Variants in DIAPH1 observed in about 807,000 individuals in gnomAD.
DIAPH1 encodes protein diaphanous homolog 1.
A neutral mutation model predicts 140.7 loss-of-function variants in DIAPH1; 46 were observed. The observed-to-expected ratio is 0.33, with a 90% CI of 0.26 to 0.42. The LOEUF is 0.42. DIAPH1 is among the 10% of genes least tolerant of loss of function. DIAPH1 has a pLI of 1.00. For missense variants in DIAPH1, 1,310 were observed against 1,558.7 expected, an observed-to-expected ratio of 0.84 and a Z score of 2.69; for synonymous variants, 565 against 551.6, an observed-to-expected ratio of 1.02 and a Z score of -0.34.
chr5:141,526,964 A>G (rs1474802652), intron 24 of DIAPH1, among the ~76,000 whole-genome samples: 2 of 152,164 alleles, frequency 1.3e-5, no homozygotes, highest in Non-Finnish European at 2.9e-5. Flanking sequence ...CTATTATGGA[A>G]ACATGGCCAA....
intron 19 of DIAPH1, among the ~76,000 whole-genome samples, chr5:141,533,470 G>GA (rs2154595098): frequency 6.6e-6 from 1 of 152,268 alleles, no homozygotes; most frequent in Non-Finnish European, 1.5e-5. Flanking sequence ...ATCCTACTCT[G>GA]AGAAGTACAA....
chr5:141,602,112 C>A (rs1223482071), intron 1 of DIAPH1, among the ~76,000 whole-genome samples: 9 of 152,154 alleles, frequency 5.9e-5, no homozygotes, highest in Non-Finnish European at 1.3e-4. Context: ...TGATTAATTT[C>A]TTTATTCAGG....
chr5:141,517,038 T>C (rs775772109), intron 27 of DIAPH1, 30 bp from the exon 28 acceptor site: 11 of 1,613,334 alleles, frequency 6.8e-6, no homozygotes, highest in East Asian at 2.2e-5. Flanking sequence ...ATTCTGTCTA[T>C]GGAAGGCCTC....
At chr5:141,583,687 TAG>T in intron 4 of DIAPH1, 72 bp from the exon 5 acceptor site, 2 of 1,576,328 alleles carry the variant, frequency 1.3e-6, no homozygotes, top group Non-Finnish European at 1.7e-6. Context: ...TATTAGTCAA[TAG>T]AGTTTATACT....
At chr5:141,539,419 T>G (rs918760320) in intron 18 of DIAPH1, among the ~76,000 whole-genome samples, 14 of 106,786 alleles carry the variant, frequency 1.3e-4, no homozygotes, top group South Asian at 9.6e-4. Flanking sequence ...GGTAGTTTTG[T>G]TTTTTTTTTT....
chr5:141,561,364 GTTTTTT>G, intron 18 of DIAPH1, among the ~76,000 whole-genome samples: 1 of 137,370 alleles, frequency 7.3e-6, no homozygotes, highest in East Asian at 2.2e-4. Flanking sequence ...AAAGAGTTTT[GTTTTTT>G]TTTTTTTTAC....
At chr5:141,587,532 T>A in intron 2 of DIAPH1, 1 of 313,316 alleles carries the variant, frequency 3.2e-6, no homozygotes, top group South Asian at 3.6e-5. Context: ...GACAGAGTTC[T>A]ATCAATAAAA....
chr5:141,538,141 A>C (rs1172259257), intron 18 of DIAPH1, among the ~76,000 whole-genome samples: 4 of 151,462 alleles, frequency 2.6e-5, no homozygotes, highest in African/African-American at 2.4e-5. Context: ...GCTCACTGCA[A>C]GCTCCGCCTC....
In DIAPH1 at chr5:141,516,749, T is replaced by G. The variant is rs1470451164; in HGVS notation, c.*102A>C. On this transcript the variant is annotated 3_prime_UTR_variant, in exon 28 of 28. Coordinates refer to ENST00000389054, the MANE Select transcript of DIAPH1 (RefSeq NM_005219.5). The stretch of plus-strand genomic sequence containing the variant: ...AAAGACAGGGTCAGGGTGGTGGGAG[T>G]GGCCACCCCAGAGGAATATCCCCTT... 7.5e-7 allele frequency: 1 copy of G among 1,339,882 alleles called. No individual in the cohort carries two copies. Among genetic ancestry groups the G allele is most frequent in the Non-Finnish European group, 1.1e-6 (1 of 947,794 alleles). The allele number at this position is 1,339,882 out of a possible 1,614,324, so 83.0% of individuals were successfully genotyped here.
At chr5:141,517,621 G>A (rs930674544) in intron 27 of DIAPH1, among the ~76,000 whole-genome samples, 4 of 152,018 alleles carry the variant, frequency 2.6e-5, no homozygotes, top group African/African-American at 7.2e-5. Flanking sequence ...GGTAGCAGCC[G>A]TAATACAAAT....
Position 141,583,302 on chromosome 5 carries a change from A to C in DIAPH1, c.534-10T>G. ...AAATGTTTGCACCCAACTGTAAGGA[A>C]CAGAGAGAGGCAATGCAATATCAAA... On this transcript the variant is annotated splice_polypyrimidine_tract_variant and intron_variant, in intron 5 of 27. Coordinates refer to ENST00000389054, the MANE Select transcript of DIAPH1 (RefSeq NM_005219.5). The C allele has an allele frequency of 6.2e-7, 1 of 1,613,886 alleles. No individual in the cohort carries two copies. The highest frequency in any genetic ancestry group is 8.5e-7 in the Non-Finnish European group (1 of 1,179,700).
chr5:141,574,498 A>C (rs1180869034), intron 15 of DIAPH1, among the ~76,000 whole-genome samples: 1 of 152,216 alleles, frequency 6.6e-6, no homozygotes, highest in Non-Finnish European at 1.5e-5. Context: ...CAAGTAAATT[A>C]AATGTTCTAG....
chr5:141,536,441 G>T (rs1023634284), intron 18 of DIAPH1, among the ~76,000 whole-genome samples: 8 of 152,108 alleles, frequency 5.3e-5, no homozygotes, highest in Non-Finnish European at 1.5e-5. Context: ...GGAAATAAAA[G>T]AAGTGAACAA....
intron 1 of DIAPH1, among the ~76,000 whole-genome samples, chr5:141,613,808 C>T (rs2099902220): frequency 6.6e-6 from 1 of 152,100 alleles, no homozygotes; most frequent in African/African-American, 2.4e-5. Flanking sequence ...AAAATATGTT[C>T]ATAGTAATTA....
chr5:141,578,744 T>G (rs2099896318), intron 9 of DIAPH1, 119 bp from the exon 10 acceptor site: 3 of 798,194 alleles, frequency 3.8e-6, no homozygotes, highest in Admixed American at 2.0e-5. Context: ...ACAAAAACTC[T>G]AAAGATGACT....
intron 1 of DIAPH1, among the ~76,000 whole-genome samples, chr5:141,613,934 C>T (rs767861996): frequency 3.9e-5 from 6 of 152,142 alleles, no homozygotes; most frequent in Non-Finnish European, 7.3e-5. Context: ...TCAGCCCCCA[C>T]GTAAGTAGGA....
chr5:141,573,811 G>T lies in DIAPH1; in HGVS notation c.2039C>A (p.Pro680His). 2.0e-6 allele frequency: 3 copies of T among 1,517,166 alleles called. No individual in the cohort carries two copies. Among genetic ancestry groups the T allele is most frequent in the Admixed American group, 2.0e-5 (1 of 49,500 alleles). 94.0% of individuals were successfully genotyped at this position (1,517,166 alleles called of 1,614,324 possible). Residue 680 changes from proline to histidine, a missense_variant, in exon 16 of 28, where the codon CCT (proline) becomes CAT (histidine). By Grantham distance (77) the Pro-to-His change is moderately conservative. Coordinates refer to ENST00000389054, the MANE Select transcript of DIAPH1 (RefSeq NM_005219.5). The stretch of plus-strand genomic sequence containing the variant: ...GGGGATTCTAGCACTCCCAGGCAAA[G>T]GAGGAGGTGGGGGGATGGCAGTACC... Reference protein sequence around the residue: ...PGGTAIPPPPPLPGSARIPPP... With the variant: ...PGGTAIPPPPHLPGSARIPPP...
intron 18 of DIAPH1, among the ~76,000 whole-genome samples, chr5:141,540,317 A>G (rs1364133108): frequency 4.0e-5 from 6 of 149,206 alleles, no homozygotes; most frequent in Non-Finnish European, 8.9e-5. Flanking sequence ...GAGTCTCGCT[A>G]TATCGCCCAG....
At chr5:141,616,802 C>T (rs530095876) in intron 1 of DIAPH1, among the ~76,000 whole-genome samples, 19 of 152,200 alleles carry the variant, frequency 1.2e-4, no homozygotes, top group South Asian at 6.2e-4. Flanking sequence ...AAGACTAACA[C>T]CGCAGAAAGA....
Sources: allele counts gnomAD v4.1 joint callset (sites outside exome capture counted in the v4.1 genomes callset), GRCh38; gene constraint gnomAD v4.1.1; transcripts MANE v1.5; gene names NCBI Gene and HGNC (gene_info 2026-07-23, HGNC 2026-07-21).